TFCP2L1: variants seen among roughly 807,000 people sequenced by gnomAD.
TFCP2L1 encodes the protein transcription factor CP2 like 1, also known as transcription factor CP2-like protein 1.
A neutral mutation model predicts 72.2 loss-of-function variants in TFCP2L1; 12 were observed. The observed-to-expected ratio is 0.17, with a 90% CI of 0.11 to 0.27. The LOEUF (loss-of-function observed/expected upper bound fraction) is 0.27. Among genes scored for constraint, TFCP2L1 ranks in the 10% least tolerant of loss-of-function variants. TFCP2L1 has a pLI of 1.00. For missense variants in TFCP2L1, 488 were observed against 624.6 expected (o/e 0.78, Z 2.33); for synonymous variants, 260 against 251.0 (o/e 1.04, Z -0.34).
intron 2 of TFCP2L1, among the ~76,000 whole-genome samples, chr2:121,256,771 C>T (rs950541434): frequency 2.0e-5 from 3 of 151,690 alleles, no homozygotes; most frequent in Admixed American, 2.0e-4. Flanking sequence ...AGCGAAACTC[C>T]ATCTCAAAAA....
chr2:121,265,002 G>A (rs932141661), intron 2 of TFCP2L1, among the ~76,000 whole-genome samples: 1 of 152,024 alleles, frequency 6.6e-6, no homozygotes, highest in Non-Finnish European at 1.5e-5. Flanking sequence ...TGCAAACATA[G>A]GTCCACACAA....
rs749927776 is a variant in TFCP2L1, at chr2:121,235,301, C to T, written c.1014G>A (p.Leu338=). Residue 338 remains leucine (L), a synonymous_variant, in exon 11 of 15, where the codon TTG becomes TTA. Coordinates refer to ENST00000263707, the MANE Select transcript of TFCP2L1 (RefSeq NM_014553.3). ...CCAAATCATCTCGGGACATCTTCAG[C>T]AAGTCAGCACCTAGGCAGGAAAAAA... The part of the protein sequence containing the change: ...RLFASFSGAD[L]LKMSRDDLVQ... The T allele has an allele frequency of 1.1e-5, 17 of 1,614,092 alleles. No homozygotes were observed. Among genetic ancestry groups the T allele is most frequent in the Non-Finnish European group, 1.4e-5 (17 of 1,180,020 alleles).
intron 7 of TFCP2L1, chr2:121,240,802 G>A: frequency 1.1e-6 from 1 of 932,406 alleles, no homozygotes; most frequent in Middle Eastern, 5.5e-4. Flanking sequence ...CATAAATGCA[G>A]TGCTTGCATC....
In TFCP2L1 at chr2:121,231,829, G is replaced by A. The variant is rs760063839; in HGVS notation, c.1338C>T (p.Asn446=). Residue 446 remains asparagine, a synonymous_variant, in exon 13 of 15, where the codon AAC becomes AAT. Coordinates refer to ENST00000263707, the MANE Select transcript of TFCP2L1 (RefSeq NM_014553.3). ...CAGGCCAGGCAGCAGCCCTCACCTC[G>A]TTGCTCACCACCACATGGATGCCCG... The part of the protein sequence containing the change: ...GPTGIHVVVS[N]EMVQNFQDES... 4.8e-5 allele frequency: 78 copies of A among 1,612,664 alleles called. 1 individual carries two copies. The Middle Eastern group carries it at 4.9e-4, about 10-fold the overall frequency.
chr2:121,280,893 ACC>A (rs1687243457), intron 2 of TFCP2L1, among the ~76,000 whole-genome samples: 1 of 151,982 alleles, frequency 6.6e-6, no homozygotes, highest in Non-Finnish European at 1.5e-5. Context: ...TTACCCTGTT[ACC>A]CGCGTGAGGT....
chr2:121,255,945 T>C (rs577265418), intron 2 of TFCP2L1, among the ~76,000 whole-genome samples: 73 of 152,274 alleles, frequency 4.8e-4, no homozygotes, highest in Admixed American at 1.3e-3. Context: ...GGTTTCACCA[T>C]GTTAGCCAGG....
chr2:121,238,451 G>A (rs1014343916), intron 8 of TFCP2L1, among the ~76,000 whole-genome samples: 1 of 152,212 alleles, frequency 6.6e-6, no homozygotes. Flanking sequence ...AGACCTGAGC[G>A]CTCTCCAGGT....
At chr2:121,254,190 C>T (rs1489085569) in intron 2 of TFCP2L1, among the ~76,000 whole-genome samples, 1 of 152,214 alleles carries the variant, frequency 6.6e-6, no homozygotes, top group Admixed American at 6.5e-5. Context: ...TGGGATTTCA[C>T]CTTCTTTACA....
At chr2:121,250,568 A>AATAATAAAAT (rs1377464320) in intron 2 of TFCP2L1, among the ~76,000 whole-genome samples, 1 of 151,962 alleles carries the variant, frequency 6.6e-6, no homozygotes, top group Non-Finnish European at 1.5e-5. Flanking sequence ...GTGTTTTACA[A>AATAATAAAAT]ATAATAAAAT....
intron 2 of TFCP2L1, among the ~76,000 whole-genome samples, chr2:121,250,731 T>A (rs983701449): frequency 6.6e-6 from 1 of 151,034 alleles, no homozygotes; most frequent in East Asian, 2.0e-4. Flanking sequence ...CTCAGCCTCC[T>A]GAGTAGCTGA....
At position 121,237,826 on chromosome 2, in the gene TFCP2L1, C is replaced by T. The variant is rs1686283346; in HGVS notation, c.885G>A (p.Val295=). The change falls in exon 9 of 15, where the codon GTG becomes GTA. Residue 295 remains valine, a synonymous_variant. Coordinates refer to ENST00000263707, the MANE Select transcript of TFCP2L1 (RefSeq NM_014553.3). ...CGTCACTGCCCACGGGCAGGGCCTC[C>T]ACCGGGTGGGTCGGAGAGGCGTTGC... is the stretch of plus-strand genomic sequence containing the variant. ...GEGNASPTHP[V]EALPVGSDHL... The T allele has an allele frequency of 1.2e-6, 2 of 1,614,096 alleles. No individual in the cohort carries two copies. Among genetic ancestry groups the T allele is most frequent in the Non-Finnish European group, 1.7e-6 (2 of 1,180,024 alleles).
intron 13 of TFCP2L1, among the ~76,000 whole-genome samples, chr2:121,227,668 G>A (rs1686056038): frequency 6.6e-6 from 1 of 151,634 alleles, no homozygotes; most frequent in South Asian, 2.1e-4. Context: ...GTGACAGAGT[G>A]AGACTCTGTC....
intron 12 of TFCP2L1, 137 bp from the exon 13 acceptor site, chr2:121,232,105 T>C (rs1021318796): frequency 7.5e-6 from 6 of 797,278 alleles, no homozygotes; most frequent in Middle Eastern, 2.5e-4. Context: ...ACACTGCCAC[T>C]CTTTTTGTTT....
At position 121,223,224 on chromosome 2, in the gene TFCP2L1, G is replaced by A. The variant is rs1409917086; in HGVS notation, c.*1117C>T. 1 of 152,156 alleles carries A rather than the reference G, an allele frequency of 6.6e-6. No homozygotes were observed. The highest frequency in any genetic ancestry group is 1.5e-5 in the Non-Finnish European group (1 of 68,042). The allele number at this position is 152,156 out of a possible 1,614,324, so 9.4% of individuals were successfully genotyped here. A position where few individuals can be genotyped will look rare whatever the true frequency, so the allele number is the denominator to read the frequency against. On this transcript the variant is annotated 3_prime_UTR_variant, in exon 15 of 15. Transcript: ENST00000263707. ...AGATCACTGGATCCCAGGAACCAGA[G>A]GCAAGACAAAGACGAATTTCTGAGT...
At chr2:121,271,974 T>A (rs547582627) in intron 2 of TFCP2L1, among the ~76,000 whole-genome samples, 1 of 151,822 alleles carries the variant, frequency 6.6e-6, no homozygotes, top group African/African-American at 2.4e-5. Context: ...CTCCATTCCT[T>A]CCCCCCACAA....
chr2:121,217,856 T>A lies in TFCP2L1; in HGVS notation c.*6485A>T, dbSNP rs1685861667. On this transcript the variant is annotated 3_prime_UTR_variant, in exon 15 of 15. Transcript: ENST00000263707. ...AAGAAGGAAAGCAAAGGGCTCTGCATTCCCACCACGAGGCGGGGTGGACTC... is the reference window on the plus strand; with the variant it reads ...AAGAAGGAAAGCAAAGGGCTCTGCAATCCCACCACGAGGCGGGGTGGACTC... The A allele has an allele frequency of 6.6e-6, 1 of 152,286 alleles. No homozygotes were observed. Among genetic ancestry groups the A allele is most frequent in the Non-Finnish European group, 1.5e-5 (1 of 68,094 alleles). 9.4% of individuals were successfully genotyped at this position (152,286 alleles called of 1,614,324 possible). A position where few individuals can be genotyped will look rare whatever the true frequency, so the allele number is the denominator to read the frequency against.
At chr2:121,237,573 A>T in intron 10 of TFCP2L1, 50 bp downstream of exon 10, 1 of 1,600,180 alleles carries the variant, frequency 6.2e-7, no homozygotes. Flanking sequence ...CCAGCCTTGA[A>T]GTGTCTCCAA....
At chr2:121,262,700 AC>A (rs148409910) in intron 2 of TFCP2L1, among the ~76,000 whole-genome samples, 5,451 of 152,198 alleles carry the variant, frequency 0.036, 146 homozygotes, top group East Asian at 0.14. Flanking sequence ...CAGTAATTGT[AC>A]CACTGTTATG....
chr2:121,224,914 G>A lies in TFCP2L1; in HGVS notation c.1394-527C>T, dbSNP rs1685994649. Among the ~76,000 whole-genome samples the A allele has an allele frequency of 2.0e-5, 3 of 152,032 alleles. No individual in the cohort carries two copies. The South Asian group carries it at 6.2e-4, about 32-fold the overall frequency. On this transcript the variant is annotated intron_variant, in intron 14 of 14. Transcript: ENST00000263707. Reference sequence around the variant, plus strand: ...GCAGGAGAATGGTGTGAACCCGGGAGGCGGAGCTTGCAGTGAGCTGAGATC... The same window carrying A: ...GCAGGAGAATGGTGTGAACCCGGGAAGCGGAGCTTGCAGTGAGCTGAGATC...
Sources: gnomAD v4.1 joint callset for allele counts (sites outside exome capture counted in the v4.1 genomes callset) on GRCh38, gnomAD v4.1.1 for gene constraint, MANE v1.5 for transcripts, NCBI Gene and HGNC (gene_info 2026-07-23, HGNC 2026-07-21) for gene names.